PIK3C2G: variants seen among roughly 807,000 people sequenced by gnomAD.
The protein encoded by PIK3C2G is phosphatidylinositol-4-phosphate 3-kinase catalytic subunit type 2 gamma, also known as phosphatidylinositol 3-kinase C2 domain-containing subunit gamma.
A neutral mutation model predicts 181.1 loss-of-function variants in PIK3C2G; 168 were observed. The observed-to-expected ratio is 0.93, with a 90% CI of 0.82 to 1.05. The LOEUF (loss-of-function observed/expected upper bound fraction) is 1.05, where lower values mean the gene tolerates loss of function less well. Among genes scored for constraint, PIK3C2G ranks in the 50% least tolerant of loss-of-function variants. PIK3C2G has a pLI of 0.00. For synonymous variants in PIK3C2G, 573 were observed against 592.2 expected (o/e 0.97, Z 0.47); for missense variants, 1,869 against 1,732.8 (o/e 1.08, Z -1.40).
the PIK3C2G span, among the ~76,000 whole-genome samples, chr12:18,669,777 CCTCCTGAGTAG>C: frequency 4.6e-5 from 7 of 152,132 alleles, no homozygotes; most frequent in Non-Finnish European, 1.0e-4. Context: ...CCTGCCTCAG[CCTCCTGAGTAG>C]CTGGGATTAC....
the PIK3C2G span, chr12:18,696,371 T>C: frequency 4.2e-6 from 1 of 237,590 alleles, no homozygotes; most frequent in Non-Finnish European, 7.0e-6. Context: ...CTATAATAGT[T>C]TCAACAATTT....
chr12:18,501,109 A>G (rs1941443237), intron 22 of PIK3C2G, among the ~76,000 whole-genome samples: 2 of 151,138 alleles, frequency 1.3e-5, no homozygotes, highest in South Asian at 2.1e-4. Flanking sequence ...GAGCTGTAAC[A>G]CTCACCGCGA....
chr12:18,441,607 G>A (rs951480410), intron 18 of PIK3C2G, among the ~76,000 whole-genome samples: 5 of 152,052 alleles, frequency 3.3e-5, no homozygotes, highest in African/African-American at 4.8e-5. Flanking sequence ...TGGAACAGGC[G>A]GGTGGGTGCA....
intron 31 of PIK3C2G, among the ~76,000 whole-genome samples, chr12:18,632,578 T>C (rs1179842012): frequency 1.3e-5 from 2 of 152,018 alleles, no homozygotes; most frequent in African/African-American, 4.8e-5. Flanking sequence ...ACATATGGAG[T>C]TGCAGCAGTC....
At chr12:18,324,009 A>C (rs1951220577) in intron 7 of PIK3C2G, among the ~76,000 whole-genome samples, 1 of 151,990 alleles carries the variant, frequency 6.6e-6, no homozygotes, top group African/African-American at 2.4e-5. Context: ...TCATGAGGTC[A>C]GGAGATCGAG....
downstream of PIK3C2G, among the ~76,000 whole-genome samples, chr12:18,650,297 CT>C (rs1950365020): frequency 4.7e-4 from 6 of 12,678 alleles, 1 homozygote; most frequent in South Asian, 0.054. Flanking sequence ...CCAAATTTCT[CT>C]CTCTCTCTCT....
intron 18 of PIK3C2G, among the ~76,000 whole-genome samples, chr12:18,427,570 T>C (rs1945905735): frequency 3.3e-5 from 5 of 151,422 alleles, no homozygotes; most frequent in Admixed American, 2.0e-4. Flanking sequence ...CTTATTCTAA[T>C]TGACTAACGA....
chr12:18,486,596 T>G (rs1940063077), intron 18 of PIK3C2G, among the ~76,000 whole-genome samples: 1 of 152,092 alleles, frequency 6.6e-6, no homozygotes, highest in Non-Finnish European at 1.5e-5. Flanking sequence ...TTTCTTTCTA[T>G]CACGTATGTA....
chr12:18,467,828 C>G (rs1002319246), intron 18 of PIK3C2G, among the ~76,000 whole-genome samples: 2 of 151,842 alleles, frequency 1.3e-5, no homozygotes, highest in African/African-American at 2.4e-5. Context: ...GAAACTAGAG[C>G]ACAAGTGGAA....
At chr12:18,421,364 T>A (rs1945478452) in intron 17 of PIK3C2G, among the ~76,000 whole-genome samples, 1 of 152,018 alleles carries the variant, frequency 6.6e-6, no homozygotes, top group African/African-American at 2.4e-5. Context: ...TAGAAAATAA[T>A]CATTTGCTAG....
At chr12:18,641,444 C>T (rs1417102643) in intron 32 of PIK3C2G, among the ~76,000 whole-genome samples, 1 of 152,162 alleles carries the variant, frequency 6.6e-6, no homozygotes, top group Non-Finnish European at 1.5e-5. Flanking sequence ...ACCACAGCCC[C>T]ATTCCTGAAA....
At chr12:18,592,505 A>G (rs569414478) in intron 29 of PIK3C2G, among the ~76,000 whole-genome samples, 2 of 152,044 alleles carry the variant, frequency 1.3e-5, no homozygotes, top group Non-Finnish European at 2.9e-5. Flanking sequence ...GAAGATAATT[A>G]GAGCATTTTT....
At chr12:18,302,003 G>T (rs150034216) in intron 5 of PIK3C2G, among the ~76,000 whole-genome samples, 141 of 152,282 alleles carry the variant, frequency 9.3e-4, no homozygotes, top group Non-Finnish European at 1.7e-3. Flanking sequence ...AATTTCCTCA[G>T]TGGCTTAAGC....
chr12:18,370,740 T>C (rs1440967585), intron 12 of PIK3C2G, among the ~76,000 whole-genome samples: 3 of 152,164 alleles, frequency 2.0e-5, no homozygotes, highest in Admixed American at 6.5e-5. Flanking sequence ...TTCATCCATA[T>C]ATGCCCTTGT....
the PIK3C2G span, among the ~76,000 whole-genome samples, chr12:18,682,782 C>G: frequency 6.6e-6 from 1 of 152,002 alleles, no homozygotes; most frequent in African/African-American, 2.4e-5. Flanking sequence ...GCTAATTACT[C>G]TCCAGGATAT....
intron 18 of PIK3C2G, among the ~76,000 whole-genome samples, chr12:18,460,819 C>A (rs1410966195): frequency 1.3e-5 from 2 of 151,818 alleles, no homozygotes; most frequent in Non-Finnish European, 2.9e-5. Flanking sequence ...GCATGCAGAT[C>A]CTGGACACCG....
At chr12:18,556,788 A>G (rs1423899133) in intron 26 of PIK3C2G, among the ~76,000 whole-genome samples, 4 of 152,156 alleles carry the variant, frequency 2.6e-5, no homozygotes, top group African/African-American at 9.7e-5. Context: ...AGTGCAAACA[A>G]CATCTTTAGA....
chr12:18,638,466 G>A (rs1435393641), intron 31 of PIK3C2G, among the ~76,000 whole-genome samples: 2 of 152,272 alleles, frequency 1.3e-5, no homozygotes, highest in South Asian at 2.1e-4. Flanking sequence ...TCTCATCAAT[G>A]CTTCACTTTA....
At chr12:18,514,127 A>T (rs964663649) in intron 24 of PIK3C2G, among the ~76,000 whole-genome samples, 1 of 151,786 alleles carries the variant, frequency 6.6e-6, no homozygotes, top group Non-Finnish European at 1.5e-5. Context: ...TAATTTCCAC[A>T]TAGTTGAGTA....
Sources: gnomAD v4.1 joint callset for allele counts (sites outside exome capture counted in the v4.1 genomes callset) on GRCh38, gnomAD v4.1.1 for gene constraint, MANE v1.5 for transcripts, NCBI Gene and HGNC (gene_info 2026-07-23, HGNC 2026-07-21) for gene names.